The following CNTNAP2 variants were observed in gnomAD, a reference collection of about 807,000 sequenced individuals.
CNTNAP2 encodes the protein contactin-associated protein-like 2.
CNTNAP2 carries 98 observed loss-of-function variants against 155.2 expected under a neutral mutation model. The observed-to-expected ratio is 0.63, with a 90% CI of 0.54 to 0.75. The LOEUF (loss-of-function observed/expected upper bound fraction) is 0.75, where lower values mean the gene tolerates loss of function less well. CNTNAP2 is among the 30% of genes least tolerant of loss of function. CNTNAP2 has a pLI of 0.00. For synonymous variants in CNTNAP2, 651 were observed against 631.2 expected (o/e 1.03, Z -0.47); for missense variants, 1,727 against 1,688.1 (o/e 1.02, Z -0.40).
intron 8 of CNTNAP2, among the ~76,000 whole-genome samples, chr7:147,233,537 A>G (rs572494221): frequency 8.3e-4 from 126 of 151,982 alleles, no homozygotes; most frequent in Non-Finnish European, 1.4e-3. Context: ...TAAGTATTAT[A>G]TTAAAGTATT....
chr7:147,352,479 C>A (rs1203994379), intron 9 of CNTNAP2, among the ~76,000 whole-genome samples: 1 of 151,958 alleles, frequency 6.6e-6, no homozygotes, highest in Non-Finnish European at 1.5e-5. Flanking sequence ...TGTCCCATTT[C>A]ACCTGTTTTG....
At chr7:147,978,154 GC>G in intron 15 of CNTNAP2, 165 bp downstream of exon 15, 1 of 951,486 alleles carries the variant, frequency 1.1e-6, no homozygotes, top group Non-Finnish European at 1.6e-6. Context: ...CAGCCATAAA[GC>G]CTCCAGTACA....
At chr7:146,763,472 A>G (rs376593514) in intron 1 of CNTNAP2, among the ~76,000 whole-genome samples, 23 of 152,226 alleles carry the variant, frequency 1.5e-4, no homozygotes, top group Admixed American at 6.5e-4. Flanking sequence ...ATTATTTACT[A>G]TAATATGAAA....
intron 13 of CNTNAP2, among the ~76,000 whole-genome samples, chr7:147,663,678 G>C (rs1432365332): frequency 2.0e-5 from 3 of 152,282 alleles, no homozygotes; most frequent in East Asian, 3.9e-4. Flanking sequence ...TTTGCATACT[G>C]TTTGCAATTA....
At chr7:148,118,859 T>A (rs1275892344) in intron 16 of CNTNAP2, among the ~76,000 whole-genome samples, 2 of 152,094 alleles carry the variant, frequency 1.3e-5, no homozygotes. Context: ...ACAGAGACAA[T>A]AAGAGGCAGA....
intron 1 of CNTNAP2, among the ~76,000 whole-genome samples, chr7:146,361,151 T>A (rs1268165323): frequency 1.3e-5 from 2 of 152,172 alleles, no homozygotes; most frequent in Non-Finnish European, 2.9e-5. Context: ...AAATGACATC[T>A]TAACTACAGT....
At chr7:148,260,343 C>A (rs1796536407) in intron 20 of CNTNAP2, among the ~76,000 whole-genome samples, 1 of 152,152 alleles carries the variant, frequency 6.6e-6, no homozygotes, top group African/African-American at 2.4e-5. Context: ...TGTGACTGGA[C>A]ACTTTATAAT....
intron 21 of CNTNAP2, among the ~76,000 whole-genome samples, chr7:148,380,383 T>C (rs1196340342): frequency 6.6e-6 from 1 of 152,230 alleles, no homozygotes; most frequent in Non-Finnish European, 1.5e-5. Context: ...TATAACTTTG[T>C]GGTGCTATCA....
chr7:146,243,587 C>A (rs1423636884), intron 1 of CNTNAP2, among the ~76,000 whole-genome samples: 2 of 152,180 alleles, frequency 1.3e-5, no homozygotes, highest in African/African-American at 2.4e-5. Flanking sequence ...TTAATTTTTT[C>A]TATTCAAAGA....
At chr7:146,891,441 G>A (rs886821786) in intron 3 of CNTNAP2, among the ~76,000 whole-genome samples, 1 of 152,040 alleles carries the variant, frequency 6.6e-6, no homozygotes, top group Non-Finnish European at 1.5e-5. Flanking sequence ...AGACAAATTT[G>A]CACGATGTTT....
At chr7:147,108,050 A>C in intron 4 of CNTNAP2, 97 bp from the exon 5 acceptor site, 1 of 1,075,632 alleles carries the variant, frequency 9.3e-7, no homozygotes, top group Non-Finnish European at 1.4e-6. Context: ...CAAGAAAAAC[A>C]CTTACTTAAT....
chr7:148,052,769 C>T (rs1272461718), intron 15 of CNTNAP2, among the ~76,000 whole-genome samples: 2 of 152,148 alleles, frequency 1.3e-5, no homozygotes, highest in African/African-American at 4.8e-5. Flanking sequence ...TCTCCTAGGC[C>T]AGGCACAGTG....
intron 1 of CNTNAP2, among the ~76,000 whole-genome samples, chr7:146,352,880 T>A (rs1016812757): frequency 1.4e-5 from 2 of 147,330 alleles, no homozygotes; most frequent in Non-Finnish European, 3.0e-5. Context: ...TCAGCCTCCC[T>A]AGTCGCTAGG....
rs968576958 is a variant in CNTNAP2 at position 147,771,494 on chromosome 7, G to A, written c.2099-132071G>A. Among the ~76,000 whole-genome samples, 9 of 152,208 alleles carry A rather than the reference G, an allele frequency of 5.9e-5. 1 individual carries two copies. The highest frequency in any genetic ancestry group is 2.2e-4 in the African/African-American group (9 of 41,450). ...GTGGGTGACATTTCTAAGGCAGGGA[G>A]GCTACAGCTGCAAGAACAAAGTGCC... is the stretch of plus-strand genomic sequence containing the variant. On this transcript the variant is annotated intron_variant, in intron 13 of 23. Coordinates refer to ENST00000361727, the MANE Select transcript of CNTNAP2 (RefSeq NM_014141.6).
intron 1 of CNTNAP2, among the ~76,000 whole-genome samples, chr7:146,233,977 A>G (rs1584816580): frequency 6.6e-6 from 1 of 151,110 alleles, no homozygotes; most frequent in East Asian, 2.0e-4. Context: ...TTGGGAATAT[A>G]CCCAGTAATG....
chr7:148,022,816 G>C (rs976231468), intron 15 of CNTNAP2, among the ~76,000 whole-genome samples: 1 of 152,024 alleles, frequency 6.6e-6, no homozygotes, highest in Non-Finnish European at 1.5e-5. Flanking sequence ...CCGTCTGCCC[G>C]ATCATCAGTG....
chr7:148,150,798 C>T (rs1195215769), intron 17 of CNTNAP2, among the ~76,000 whole-genome samples: 1 of 151,926 alleles, frequency 6.6e-6, no homozygotes, highest in Non-Finnish European at 1.5e-5. Context: ...GGCTGGAGTA[C>T]AGTGGCATGA....
chr7:146,326,192 A>C (rs1431770716), intron 1 of CNTNAP2, among the ~76,000 whole-genome samples: 1 of 152,186 alleles, frequency 6.6e-6, no homozygotes, highest in African/African-American at 2.4e-5. Flanking sequence ...ATACACATGC[A>C]CTCTCACACA....
intron 9 of CNTNAP2, among the ~76,000 whole-genome samples, chr7:147,371,042 T>C (rs1023250275): frequency 7.2e-5 from 11 of 152,080 alleles, no homozygotes; most frequent in African/African-American, 2.2e-4. Flanking sequence ...TGTCAATGAA[T>C]GGGTAATTTA....
Sources: allele counts gnomAD v4.1 joint callset (sites outside exome capture counted in the v4.1 genomes callset), GRCh38; gene constraint gnomAD v4.1.1; transcripts MANE v1.5; gene names NCBI Gene and HGNC (gene_info 2026-07-23, HGNC 2026-07-21).